Variants in CUX1 observed in about 807,000 individuals in gnomAD.
The protein encoded by CUX1 is protein CASP.
In CUX1, 31 loss-of-function variants were observed where a neutral mutation model predicts 158.8. That is an observed-to-expected ratio of 0.20 (90% confidence interval 0.15 to 0.26). The LOEUF is 0.26. CUX1 is among the 10% of genes least tolerant of loss of function. The pLI is 1.00. For missense variants in CUX1, 1,589 were observed against 2,014.6 expected (o/e 0.79, Z 4.04); for synonymous variants, 879 against 862.1 (o/e 1.02, Z -0.34).
intron 2 of CUX1, among the ~76,000 whole-genome samples, chr7:101,930,090 C>T (rs1017202097): frequency 1.3e-4 from 20 of 152,218 alleles, no homozygotes; most frequent in African/African-American, 4.3e-4. Context: ...GACTCACCTG[C>T]CTTGGCCTCC....
chr7:101,992,945 G>A (rs1815343439), intron 2 of CUX1, among the ~76,000 whole-genome samples: 1 of 152,176 alleles, frequency 6.6e-6, no homozygotes, highest in Non-Finnish European at 1.5e-5. Flanking sequence ...CACCCCGAGG[G>A]GGCCCTGGTC....
At chr7:102,062,155 C>T (rs996545396) in intron 3 of CUX1, among the ~76,000 whole-genome samples, 2 of 152,144 alleles carry the variant, frequency 1.3e-5, no homozygotes, top group African/African-American at 4.8e-5. Context: ...ACTTACATAC[C>T]ATTGGCCAAA....
chr7:102,276,374 T>C (rs1354135414), intron 17 of CUX1, among the ~76,000 whole-genome samples: 1 of 152,228 alleles, frequency 6.6e-6, no homozygotes, highest in Non-Finnish European at 1.5e-5. Context: ...CAATCCTGGC[T>C]CACTGCAACC....
At chr7:101,875,696 C>T (rs945812138) in intron 1 of CUX1, among the ~76,000 whole-genome samples, 3 of 152,218 alleles carry the variant, frequency 2.0e-5, no homozygotes, top group African/African-American at 7.2e-5. Flanking sequence ...CCACAGTGCC[C>T]ACGGGTAGGT....
At chr7:101,888,902 T>C (rs1358879865) in intron 1 of CUX1, among the ~76,000 whole-genome samples, 1 of 152,022 alleles carries the variant, frequency 6.6e-6, no homozygotes, top group Non-Finnish European at 1.5e-5. Flanking sequence ...GAGATGGTCA[T>C]TAAAGTTGAA....
At chr7:101,923,611 G>T (rs1805233505) in intron 2 of CUX1, among the ~76,000 whole-genome samples, 1 of 152,204 alleles carries the variant, frequency 6.6e-6, no homozygotes, top group Non-Finnish European at 1.5e-5. Context: ...TTTTTGCCCT[G>T]ATGTATTTTT....
chr7:102,251,232 CTT>C lies in CUX1; in HGVS notation c.*2199_*2200del. On this transcript the variant is annotated 3_prime_UTR_variant, in exon 24 of 24. Coordinates refer to ENST00000292535, the MANE Select transcript of CUX1 (RefSeq NM_181552.4). ...TATTTCTTAAGTTTAATTAATATTACTTTTTTTTTTATTTGGGGGGTGGGAGG... is the reference window on the plus strand; with the variant it reads ...TATTTCTTAAGTTTAATTAATATTACTTTTTTTTATTTGGGGGGTGGGAGG... 1 of 716,968 alleles carries C rather than the reference CTT, an allele frequency of 1.4e-6. No individual in the cohort carries two copies. Among genetic ancestry groups the C allele is most frequent in the Non-Finnish European group, 1.6e-6 (1 of 608,628 alleles). 44.4% of individuals were successfully genotyped at this position (716,968 alleles called of 1,614,324 possible).
intron 1 of CUX1, among the ~76,000 whole-genome samples, chr7:101,866,665 G>A (rs2131405120): frequency 6.6e-6 from 1 of 152,124 alleles, no homozygotes; most frequent in East Asian, 1.9e-4. Flanking sequence ...AGATAAATGA[G>A]CAGGCATAGT....
At chr7:101,856,504 C>T (rs73712575) in intron 1 of CUX1, among the ~76,000 whole-genome samples, 2,176 of 152,296 alleles carry the variant, frequency 0.014, 44 homozygotes, top group African/African-American at 0.05. Flanking sequence ...GATGAATTTT[C>T]TTCCCTAGAG....
At chr7:101,886,900 G>A (rs1800282390) in intron 1 of CUX1, among the ~76,000 whole-genome samples, 1 of 152,160 alleles carries the variant, frequency 6.6e-6, no homozygotes, top group Admixed American at 6.5e-5. Context: ...TTGCTGAAGG[G>A]TAGATGCTGC....
At position 102,279,375 on chromosome 7, in the gene CUX1, CAG is replaced by C. The variant is rs555045935; in HGVS notation, c.1681-660_1681-659del. ...AATAAGCAATAATAAAAAATGTAAACAGAATTTGGTCCACACTCCAAAAAGCA... is the reference window on the plus strand; with the variant it reads ...AATAAGCAATAATAAAAAATGTAAACAATTTGGTCCACACTCCAAAAAGCA... On this transcript the variant is annotated intron_variant, in intron 18 of 22. Coordinates refer to the CUX1 transcript ENST00000292538. Among the ~76,000 whole-genome samples, 869 of 152,270 alleles carry C rather than the reference CAG, an allele frequency of 5.7e-3. 8 individuals are homozygous for C. Among genetic ancestry groups the C allele is most frequent in the African/African-American group, 0.02 (828 of 41,566 alleles).
At chr7:102,020,235 A>T (rs1233133647) in intron 2 of CUX1, among the ~76,000 whole-genome samples, 1 of 152,226 alleles carries the variant, frequency 6.6e-6, no homozygotes, top group Non-Finnish European at 1.5e-5. Flanking sequence ...TATCACAAGG[A>T]CTGGAAGGAA....
rs112796128 is a variant in CUX1 at position 102,197,359 on chromosome 7, CAT to C, written c.1894+55_1894+56del. The C allele has an allele frequency of 5.3e-4, 833 of 1,568,478 alleles. 8 individuals are homozygous for C. The African/African-American group carries it at 9.7e-3, about 18-fold the overall frequency. On this transcript the variant is annotated intron_variant, in intron 15 of 23. Transcript: ENST00000292535. The stretch of plus-strand genomic sequence containing the variant: ...CGTGCGAGCCCGTCACAGAGTTGCA[CAT>C]GTGTGTGTGCATGCGTGCGTGTGTC...
At chr7:102,018,181 G>A (rs1418814057) in intron 2 of CUX1, among the ~76,000 whole-genome samples, 2 of 152,072 alleles carry the variant, frequency 1.3e-5, no homozygotes, top group South Asian at 2.1e-4. Context: ...GACTGGTCTT[G>A]AACTCCTGGC....
chr7:102,090,981 G>C (rs1828526724), intron 4 of CUX1, among the ~76,000 whole-genome samples: 1 of 152,162 alleles, frequency 6.6e-6, no homozygotes, highest in African/African-American at 2.4e-5. Flanking sequence ...AGAGAGCTGA[G>C]ACTTGAACAC....
intron 14 of CUX1, among the ~76,000 whole-genome samples, chr7:102,264,113 C>T (rs1190946759): frequency 3.3e-5 from 5 of 149,302 alleles, no homozygotes; most frequent in East Asian, 3.9e-4. Context: ...TCAAGTGATT[C>T]TCCTGCCTCA....
chr7:101,947,552 GCAA>G (rs1808543541), intron 2 of CUX1, among the ~76,000 whole-genome samples: 1 of 152,106 alleles, frequency 6.6e-6, no homozygotes, highest in Non-Finnish European at 1.5e-5. Context: ...TATTAGACAG[GCAA>G]CAACTTAGAC....
chr7:102,203,337 C>A (rs1795641037), intron 18 of CUX1, among the ~76,000 whole-genome samples: 1 of 152,102 alleles, frequency 6.6e-6, no homozygotes. Context: ...GGGACAAATC[C>A]CACCCCCTCC....
chr7:102,244,807 G>C (rs530896522), intron 23 of CUX1, among the ~76,000 whole-genome samples: 53 of 152,240 alleles, frequency 3.5e-4, no homozygotes, highest in African/African-American at 1.2e-3. Flanking sequence ...ACCCAGTTAG[G>C]AACTCAGATT....
Sources: gnomAD v4.1 joint callset for allele counts (sites outside exome capture counted in the v4.1 genomes callset) on GRCh38, gnomAD v4.1.1 for gene constraint, MANE v1.5 for transcripts, NCBI Gene and HGNC (gene_info 2026-07-23, HGNC 2026-07-21) for gene names.